PCDH11X: variants seen among roughly 807,000 people sequenced by gnomAD.
PCDH11X encodes the protein protocadherin 11 X-linked.
In PCDH11X, 18 loss-of-function variants were observed where a neutral mutation model predicts 53.3. The ratio of observed to expected loss-of-function variants is 0.34; its 90% confidence interval spans 0.23 to 0.50. The LOEUF (loss-of-function observed/expected upper bound fraction) is 0.50. PCDH11X is among the 20% of genes least tolerant of loss of function. The pLI, the probability that PCDH11X is intolerant of heterozygous loss-of-function variation, is 0.98. For synonymous variants in PCDH11X, 279 were observed against 393.3 expected, an observed-to-expected ratio of 0.71 and a Z score of 3.44; for missense variants, 570 against 1,032.4, an observed-to-expected ratio of 0.55 and a Z score of 6.14.
chrX:92,442,555 G>T (rs964315023), intron 9 of PCDH11X, among the ~76,000 whole-genome samples: 8 of 111,200 alleles, frequency 7.2e-5, no homozygotes, highest in South Asian at 3.8e-4. Context: ...TGATTGTGAG[G>T]CTTCCCCAGC....
At chrX:92,400,337 T>C (rs1414868528) in intron 9 of PCDH11X, among the ~76,000 whole-genome samples, 6 of 111,653 alleles carry the variant, frequency 5.4e-5, no homozygotes, top group Non-Finnish European at 1.1e-4. Context: ...TTGCTAGTGT[T>C]GAAGTGTCAA....
chrX:92,232,823 C>T (rs1417186549), intron 7 of PCDH11X, among the ~76,000 whole-genome samples: 5 of 111,576 alleles, frequency 4.5e-5, no homozygotes, highest in Non-Finnish European at 9.4e-5. Flanking sequence ...TCACGCCATT[C>T]TCCCGCCTCA....
At chrX:91,963,229 G>A (rs1207563819) in intron 6 of PCDH11X, among the ~76,000 whole-genome samples, 1 of 110,917 alleles carries the variant, frequency 9.0e-6, no homozygotes, top group East Asian at 2.8e-4. Context: ...TTCAACATAA[G>A]TTCCAATTCC....
intron 10 of PCDH11X, among the ~76,000 whole-genome samples, chrX:92,555,990 C>A (rs1377233423): frequency 1.8e-5 from 2 of 109,054 alleles, no homozygotes; most frequent in Non-Finnish European, 3.8e-5. Flanking sequence ...TGCAGGGTGA[C>A]AGAAAGGAGT....
At chrX:91,915,990 C>A (rs1053184030) in intron 6 of PCDH11X, among the ~76,000 whole-genome samples, 1 of 109,529 alleles carries the variant, frequency 9.1e-6, no homozygotes, top group African/African-American at 3.3e-5. Context: ...ATCAAGTATC[C>A]TCTCAGACCA....
At chrX:92,345,889 G>GTT (rs142226516) in intron 8 of PCDH11X, among the ~76,000 whole-genome samples, 4 of 99,213 alleles carry the variant, frequency 4.0e-5, no homozygotes, top group Non-Finnish European at 4.1e-5. Flanking sequence ...GTTAGTACCT[G>GTT]TTTTTTTTTT....
At chrX:92,439,255 T>A (rs778002011) in intron 9 of PCDH11X, among the ~76,000 whole-genome samples, 2 of 111,541 alleles carry the variant, frequency 1.8e-5, no homozygotes, top group Non-Finnish European at 3.8e-5. Flanking sequence ...GAACACCAAG[T>A]GGGCTACAAT....
chrX:92,580,809 A>G (rs1467606364), intron 10 of PCDH11X, among the ~76,000 whole-genome samples: 10 of 111,396 alleles, frequency 9.0e-5, no homozygotes, highest in Admixed American at 3.8e-4. Flanking sequence ...TGGAAAAAGT[A>G]TGATTTCCCG....
At position 92,365,795 on chromosome X, in the gene PCDH11X, G is replaced by T. The variant is rs1282922615; in HGVS notation, c.3145-21940G>T. The stretch of plus-strand genomic sequence containing the variant: ...TGTGATGGATTACATTTATTGATTT[G>T]CATATGTTGAACCAGCCTTGCATCC... On this transcript the variant is annotated intron_variant, in intron 8 of 10. Transcript: ENST00000682573. Among the ~76,000 whole-genome samples, 5 of 109,846 alleles carry T rather than the reference G, an allele frequency of 4.6e-5. No individual in the cohort carries two copies. In the South Asian group the frequency reaches 1.6e-3, roughly 35 times the overall value.
chrX:92,390,282 T>C (rs2071099302), intron 9 of PCDH11X, among the ~76,000 whole-genome samples: 1 of 109,902 alleles, frequency 9.1e-6, no homozygotes, highest in African/African-American at 3.3e-5. Context: ...TCAGAGACCT[T>C]ACTAAAAGTG....
Position 91,898,665 on chromosome X carries a change from G to A in PCDH11X, c.3033+19392G>A, listed in dbSNP as rs113147705. On this transcript the variant is annotated intron_variant, in intron 6 of 10. Coordinates refer to ENST00000682573, the MANE Select transcript of PCDH11X (RefSeq NM_032968.5). ...TTCAGTTAGATTTTAATAGAATCAG[G>A]TGATGAGTTTTAATCTCCTGACTTT... 3.3e-3 allele frequency among the ~76,000 whole-genome samples: 321 copies of A among 96,932 alleles called. 3 individuals carry two copies. Among genetic ancestry groups the A allele is most frequent in the African/African-American group, 0.012 (299 of 25,971 alleles). 84.2% of individuals were successfully genotyped at this position (96,932 alleles called of 115,157 possible).
chrX:91,917,778 C>T (rs763954112), intron 6 of PCDH11X, among the ~76,000 whole-genome samples: 85 of 107,797 alleles, frequency 7.9e-4, no homozygotes, highest in African/African-American at 2.8e-3. Flanking sequence ...AATGCCATTC[C>T]CATCAAAGTG....
At chrX:92,519,171 G>A (rs778462041) in intron 10 of PCDH11X, among the ~76,000 whole-genome samples, 5 of 110,251 alleles carry the variant, frequency 4.5e-5, no homozygotes, top group African/African-American at 1.6e-4. Flanking sequence ...CACACGCCTA[G>A]TGCTTAATAC....
At chrX:92,392,298 G>T (rs920894454) in intron 9 of PCDH11X, among the ~76,000 whole-genome samples, 1 of 111,331 alleles carries the variant, frequency 9.0e-6, no homozygotes, top group Non-Finnish European at 1.9e-5. Context: ...ATAAATATAT[G>T]TTTTTATTAA....
intron 8 of PCDH11X, among the ~76,000 whole-genome samples, chrX:92,289,469 T>G (rs1272960181): frequency 8.9e-6 from 1 of 112,003 alleles, no homozygotes; most frequent in Non-Finnish European, 1.9e-5. Flanking sequence ...ACAACTCCAT[T>G]TATTTCAGCT....
intron 7 of PCDH11X, among the ~76,000 whole-genome samples, chrX:92,207,781 C>T (rs920864274): frequency 9.0e-6 from 1 of 111,472 alleles, no homozygotes; most frequent in Non-Finnish European, 1.9e-5. Flanking sequence ...CTACAAAAAA[C>T]ATAACTGACT....
intron 6 of PCDH11X, among the ~76,000 whole-genome samples, chrX:92,048,928 C>T (rs754470411): frequency 8.9e-6 from 1 of 112,257 alleles, no homozygotes; most frequent in South Asian, 3.7e-4. Flanking sequence ...GGTGGGAAAA[C>T]TCTAAGTGAA....
At chrX:92,404,400 G>T (rs1235093892) in intron 9 of PCDH11X, among the ~76,000 whole-genome samples, 1 of 109,580 alleles carries the variant, frequency 9.1e-6, no homozygotes, top group Non-Finnish European at 1.9e-5. Flanking sequence ...TGTAATAAAA[G>T]AATGAATACA....
At chrX:92,486,486 A>C (rs1248997662) in intron 10 of PCDH11X, among the ~76,000 whole-genome samples, 2 of 111,869 alleles carry the variant, frequency 1.8e-5, no homozygotes. Context: ...CTGCAAAATC[A>C]TTAAAAGTAA....
Sources: allele counts gnomAD v4.1 joint callset (sites outside exome capture counted in the v4.1 genomes callset), GRCh38; gene constraint gnomAD v4.1.1; transcripts MANE v1.5; gene names NCBI Gene and HGNC (gene_info 2026-07-23, HGNC 2026-07-21).